PITPNC1: variants seen among roughly 807,000 people sequenced by gnomAD.
PITPNC1 encodes the protein cytoplasmic phosphatidylinositol transfer protein 1.
Under a neutral mutation model 44.7 loss-of-function variants are expected in PITPNC1, and 18 were observed. The ratio of observed to expected loss-of-function variants is 0.40; its 90% confidence interval spans 0.28 to 0.60. The LOEUF is 0.60. Ranked by LOEUF, PITPNC1 falls within the 20% of genes least tolerant of loss-of-function variation. PITPNC1 has a pLI of 0.39. For synonymous variants in PITPNC1, 141 were observed against 149.6 expected, an observed-to-expected ratio of 0.94 and a Z score of 0.42; for missense variants, 290 against 418.4, an observed-to-expected ratio of 0.69 and a Z score of 2.68.
intron 1 of PITPNC1, among the ~76,000 whole-genome samples, chr17:67,407,131 A>T (rs1439566049): frequency 2.0e-5 from 3 of 152,136 alleles, no homozygotes; most frequent in Non-Finnish European, 2.9e-5. Flanking sequence ...TCCCACCTAC[A>T]GTGTACGATG....
In PITPNC1 at chr17:67,631,053, G is replaced by GTTATTATTA. The variant is rs56142240; in HGVS notation, c.367-1054_367-1046dup. 1.4e-3 allele frequency among the ~76,000 whole-genome samples: 181 copies of GTTATTATTA among 127,746 alleles called. 1 individual carries two copies. The highest frequency in any genetic ancestry group is 2.4e-3 in the East Asian group (11 of 4,502). The allele number at this position is 127,746 out of a possible 152,430, so 83.8% of individuals were successfully genotyped here. ...ATATTGCGGCTGTGTTGTTGTTGTT[G>GTTATTATTA]TTATTATTATTATTATTATTATTAT... On this transcript the variant is annotated intron_variant, in intron 5 of 8. Transcript: ENST00000581322.
intron 1 of PITPNC1, among the ~76,000 whole-genome samples, chr17:67,426,797 T>A (rs899923319): frequency 6.6e-6 from 1 of 151,996 alleles, no homozygotes; most frequent in African/African-American, 2.4e-5. Flanking sequence ...TCATCATGAT[T>A]TTTTTAAAAA....
At chr17:67,397,003 G>A (rs866628083) in intron 1 of PITPNC1, among the ~76,000 whole-genome samples, 1 of 151,724 alleles carries the variant, frequency 6.6e-6, no homozygotes, top group African/African-American at 2.4e-5. Context: ...TTTTTGAGAC[G>A]AAGTCTCACT....
At chr17:67,624,541 T>C (rs1026137778) in intron 5 of PITPNC1, among the ~76,000 whole-genome samples, 4 of 151,220 alleles carry the variant, frequency 2.6e-5, no homozygotes, top group African/African-American at 9.7e-5. Flanking sequence ...TTGTTTGTTT[T>C]GTTTTGTTTT....
intron 1 of PITPNC1, among the ~76,000 whole-genome samples, chr17:67,384,820 G>A (rs908832977): frequency 2.0e-5 from 3 of 152,184 alleles, no homozygotes; most frequent in African/African-American, 4.8e-5. Context: ...TGCTGCTGGC[G>A]TCAATACCTC....
At chr17:67,529,996 A>G (rs1425715001) in intron 1 of PITPNC1, among the ~76,000 whole-genome samples, 1 of 151,798 alleles carries the variant, frequency 6.6e-6, no homozygotes, top group Non-Finnish European at 1.5e-5. Context: ...TCTGGAGGCT[A>G]GAAGTTTGAA....
chr17:67,401,462 T>C (rs1007031370), intron 1 of PITPNC1, among the ~76,000 whole-genome samples: 2 of 152,220 alleles, frequency 1.3e-5, no homozygotes, highest in African/African-American at 4.8e-5. Flanking sequence ...AGTTGGTATC[T>C]GACTCCTTAG....
intron 1 of PITPNC1, among the ~76,000 whole-genome samples, chr17:67,413,015 C>T (rs1186873941): frequency 1.3e-5 from 2 of 152,108 alleles, no homozygotes; most frequent in African/African-American, 4.8e-5. Context: ...TTTTGAGAAT[C>T]TGAGAATGAT....
chr17:67,378,324 G>A (rs1353841707), intron 1 of PITPNC1, 122 bp downstream of exon 1: 1 of 571,774 alleles, frequency 1.7e-6, no homozygotes, highest in Admixed American at 4.4e-5. Context: ...CCGCAAACCC[G>A]AAGCCTGGAG....
chr17:67,576,025 C>T (rs993238789), intron 4 of PITPNC1, among the ~76,000 whole-genome samples: 2 of 151,558 alleles, frequency 1.3e-5, no homozygotes, highest in African/African-American at 2.4e-5. Flanking sequence ...TACAGGGGTA[C>T]ACCACTACAC....
intron 1 of PITPNC1, among the ~76,000 whole-genome samples, chr17:67,529,643 G>C (rs947483422): frequency 3.9e-5 from 6 of 152,136 alleles, no homozygotes; most frequent in African/African-American, 9.7e-5. Context: ...AAACTGGGTG[G>C]CTTCAACAAC....
intron 2 of PITPNC1, among the ~76,000 whole-genome samples, chr17:67,538,688 ATAT>A (rs1275450256): frequency 6.6e-6 from 1 of 152,198 alleles, no homozygotes; most frequent in Non-Finnish European, 1.5e-5. Context: ...GTAAATAGCT[ATAT>A]TATTTGGAGA....
chr17:67,587,991 T>C (rs574836231), intron 5 of PITPNC1, among the ~76,000 whole-genome samples: 2 of 152,258 alleles, frequency 1.3e-5, no homozygotes, highest in South Asian at 2.1e-4. Flanking sequence ...ATAGCCATCG[T>C]GAAGTTTGTT....
intron 3 of PITPNC1, 74 bp from the exon 4 acceptor site, chr17:67,553,536 A>C (rs959512447): frequency 6.1e-6 from 4 of 652,576 alleles, no homozygotes; most frequent in South Asian, 2.4e-5. Context: ...TTTATATTGC[A>C]TATAAGCATG....
At chr17:67,418,633 T>C (rs1335049134) in intron 1 of PITPNC1, among the ~76,000 whole-genome samples, 1 of 152,066 alleles carries the variant, frequency 6.6e-6, no homozygotes, top group African/African-American at 2.4e-5. Flanking sequence ...TTGTCTCGGC[T>C]CACTGCAACC....
intron 1 of PITPNC1, among the ~76,000 whole-genome samples, chr17:67,451,864 C>T (rs945872057): frequency 2.0e-5 from 3 of 151,684 alleles, no homozygotes; most frequent in Non-Finnish European, 4.4e-5. Context: ...TCTCAATCTC[C>T]TGACCTCGTG....
chr17:67,426,774 C>T (rs977010796), intron 1 of PITPNC1, among the ~76,000 whole-genome samples: 2 of 152,074 alleles, frequency 1.3e-5, no homozygotes, highest in African/African-American at 4.8e-5. Flanking sequence ...AAGGAAGCTT[C>T]CATATTTATG....
Position 67,391,335 on chromosome 17 carries a change from C to T in PITPNC1, c.48+13133C>T, listed in dbSNP as rs138397240. 3.0e-3 allele frequency among the ~76,000 whole-genome samples: 452 copies of T among 152,056 alleles called. 5 individuals carry two copies. The highest frequency in any genetic ancestry group is 0.01 in the African/African-American group (421 of 41,448). ...CGCTAATCTCCAAAGACTGTTCCCCCGCCCCATGTCATCTTACACACACAC... is the reference window on the plus strand; with the variant it reads ...CGCTAATCTCCAAAGACTGTTCCCCTGCCCCATGTCATCTTACACACACAC... On this transcript the variant is annotated intron_variant, in intron 1 of 8. Coordinates refer to ENST00000581322, the MANE Select transcript of PITPNC1 (RefSeq NM_012417.4).
intron 1 of PITPNC1, among the ~76,000 whole-genome samples, chr17:67,507,073 G>A (rs1009534168): frequency 1.3e-5 from 2 of 152,158 alleles, no homozygotes; most frequent in African/African-American, 2.4e-5. Flanking sequence ...GCCAGGAATG[G>A]ACACATTCAT....
Sources: gnomAD v4.1 joint callset for allele counts (sites outside exome capture counted in the v4.1 genomes callset) on GRCh38, gnomAD v4.1.1 for gene constraint, MANE v1.5 for transcripts, NCBI Gene and HGNC (gene_info 2026-07-23, HGNC 2026-07-21) for gene names.